RAB38: variants seen among roughly 807,000 people sequenced by gnomAD.
RAB38 encodes ras-related protein Rab-38.
Under a neutral mutation model 18.4 loss-of-function variants are expected in RAB38, and 15 were observed. The observed-to-expected ratio is 0.82, with a 90% confidence interval of 0.55 to 1.26. RAB38 has a LOEUF of 1.26. Ranked by LOEUF, RAB38 falls within the 50% of genes most tolerant of loss-of-function variation. RAB38 has a pLI of 0.00. For synonymous variants in RAB38, 101 were observed against 104.4 expected (o/e 0.97, Z 0.20); for missense variants, 294 against 267.4 (o/e 1.10, Z -0.69).
chr11:88,051,302 G>A, the RAB38 span, among the ~76,000 whole-genome samples: 4 of 151,974 alleles, frequency 2.6e-5, no homozygotes, highest in Non-Finnish European at 5.9e-5. Context: ...TGAGAAATGT[G>A]AGCCCATGCA....
chr11:87,857,313 G>A, the RAB38 span, among the ~76,000 whole-genome samples: 11 of 152,134 alleles, frequency 7.2e-5, no homozygotes, highest in Non-Finnish European at 1.5e-4. Context: ...GAATAGTGCC[G>A]CAGTGAACAT....
chr11:88,130,187 A>G (rs915809453), intron 2 of RAB38, among the ~76,000 whole-genome samples: 3 of 152,198 alleles, frequency 2.0e-5, no homozygotes, highest in African/African-American at 7.2e-5. Context: ...TTCTAACTAT[A>G]CAATCATGAG....
chr11:87,842,666 G>C, the RAB38 span, among the ~76,000 whole-genome samples: 1 of 151,964 alleles, frequency 6.6e-6, no homozygotes, highest in East Asian at 1.9e-4. Flanking sequence ...TTTTCTACTT[G>C]ATGTTTGCGT....
At chr11:87,888,085 T>C in the RAB38 span, among the ~76,000 whole-genome samples, 3 of 151,872 alleles carry the variant, frequency 2.0e-5, no homozygotes, top group Non-Finnish European at 4.4e-5. Flanking sequence ...GATCTTACTA[T>C]GTACCAAAGG....
At chr11:88,101,597 A>G in the RAB38 span, among the ~76,000 whole-genome samples, 1 of 151,896 alleles carries the variant, frequency 6.6e-6, no homozygotes, top group Non-Finnish European at 1.5e-5. Flanking sequence ...TGAATAGTGT[A>G]TCACTCATGA....
At chr11:87,951,441 C>G in the RAB38 span, among the ~76,000 whole-genome samples, 8 of 152,150 alleles carry the variant, frequency 5.3e-5, no homozygotes, top group African/African-American at 1.9e-4. Flanking sequence ...TGGTGAGGAG[C>G]TGCGTTCCTT....
intron 2 of RAB38, among the ~76,000 whole-genome samples, chr11:88,125,835 T>C (rs1219930032): frequency 1.3e-5 from 2 of 152,190 alleles, no homozygotes; most frequent in Non-Finnish European, 2.9e-5. Flanking sequence ...CTTCTAGGGT[T>C]TTTATGGCTT....
chr11:88,047,721 G>A, the RAB38 span, among the ~76,000 whole-genome samples: 2 of 152,206 alleles, frequency 1.3e-5, no homozygotes, highest in South Asian at 2.1e-4. Flanking sequence ...AAAGGCACCA[G>A]ATCCCATTGC....
chr11:88,067,394 A>G, the RAB38 span, among the ~76,000 whole-genome samples: 2 of 151,788 alleles, frequency 1.3e-5, no homozygotes, highest in African/African-American at 4.8e-5. Flanking sequence ...TAGCTTTCCA[A>G]TGTCACATAG....
At chr11:87,933,748 C>T in the RAB38 span, among the ~76,000 whole-genome samples, 1 of 151,898 alleles carries the variant, frequency 6.6e-6, no homozygotes, top group Non-Finnish European at 1.5e-5. Flanking sequence ...GCAGATCCAC[C>T]AATGGCAAGA....
chr11:87,887,904 T>C, the RAB38 span, among the ~76,000 whole-genome samples: 2 of 148,992 alleles, frequency 1.3e-5, no homozygotes, highest in Admixed American at 6.7e-5. Flanking sequence ...CTGAGTAAGC[T>C]TTGCTATAAG....
At chr11:88,147,582 A>C (rs563022158) in intron 2 of RAB38, among the ~76,000 whole-genome samples, 6 of 151,904 alleles carry the variant, frequency 3.9e-5, no homozygotes, top group African/African-American at 7.2e-5. Context: ...AAAAAAAAAA[A>C]AAAACAGCTA....
chr11:87,876,433 T>A, the RAB38 span, among the ~76,000 whole-genome samples: 1 of 151,636 alleles, frequency 6.6e-6, no homozygotes, highest in Non-Finnish European at 1.5e-5. Context: ...TCTCCCCCAA[T>A]AAATTTTTGT....
the RAB38 span, among the ~76,000 whole-genome samples, chr11:87,915,916 A>G: frequency 1.3e-5 from 2 of 152,064 alleles, no homozygotes; most frequent in African/African-American, 4.8e-5. Flanking sequence ...GTCAAAGATT[A>G]TTTATGATCT....
At chr11:87,921,384 G>C in the RAB38 span, among the ~76,000 whole-genome samples, 1 of 151,812 alleles carries the variant, frequency 6.6e-6, no homozygotes, top group South Asian at 2.1e-4. Flanking sequence ...GTTACCAGAT[G>C]ATTTCGCCCA....
intron 2 of RAB38, among the ~76,000 whole-genome samples, chr11:88,122,446 C>T (rs368156574): frequency 6.6e-6 from 1 of 152,218 alleles, no homozygotes; most frequent in South Asian, 2.1e-4. Flanking sequence ...TGAAAAACAG[C>T]AGCCTTTAGT....
chr11:87,834,118 G>A, the RAB38 span, among the ~76,000 whole-genome samples: 23 of 152,266 alleles, frequency 1.5e-4, no homozygotes, highest in African/African-American at 2.6e-4. Context: ...CATTTGGACC[G>A]TATGGAAAGC....
the RAB38 span, among the ~76,000 whole-genome samples, chr11:87,861,825 A>G: frequency 6.6e-6 from 1 of 151,806 alleles, no homozygotes; most frequent in Non-Finnish European, 1.5e-5. Context: ...CCTAGTCTTA[A>G]AAAAGCATCA....
chr11:87,850,739 C>T, the RAB38 span, among the ~76,000 whole-genome samples: 1 of 151,484 alleles, frequency 6.6e-6, no homozygotes, highest in East Asian at 1.9e-4. Flanking sequence ...CACACACACA[C>T]ACACACATAC....
Sources: allele counts gnomAD v4.1 joint callset (sites outside exome capture counted in the v4.1 genomes callset), GRCh38; gene constraint gnomAD v4.1.1; transcripts MANE v1.5; gene names NCBI Gene and HGNC (gene_info 2026-07-23, HGNC 2026-07-21).